CACNA1B: variants seen among roughly 807,000 people sequenced by gnomAD.
The protein encoded by CACNA1B is voltage-dependent N-type calcium channel subunit alpha-1B.
Under a neutral mutation model 247.2 loss-of-function variants are expected in CACNA1B, and 70 were observed. That is an observed-to-expected ratio of 0.28 (90% CI 0.23 to 0.35). CACNA1B has a LOEUF of 0.35. Among genes scored for constraint, CACNA1B ranks in the 10% least tolerant of loss-of-function variants. CACNA1B has a pLI of 1.00. For missense variants in CACNA1B, 2,367 were observed against 3,197.4 expected (o/e 0.74, Z 6.26); for synonymous variants, 1,231 against 1,294.4 (o/e 0.95, Z 1.05).
At chr9:137,953,949 A>G (rs1458170224) in intron 7 of CACNA1B, among the ~76,000 whole-genome samples, 1 of 152,108 alleles carries the variant, frequency 6.6e-6, no homozygotes, top group African/African-American at 2.4e-5. Flanking sequence ...AGGTGGGTTC[A>G]AGGGGAGGCA....
chr9:138,040,258 A>G (rs1344060243), intron 20 of CACNA1B, among the ~76,000 whole-genome samples: 8 of 152,072 alleles, frequency 5.3e-5, no homozygotes, highest in Admixed American at 3.3e-4. Context: ...TACTTTATGT[A>G]TCTCATCTAA....
intron 26 of CACNA1B, among the ~76,000 whole-genome samples, chr9:138,056,819 T>G (rs1959516907): frequency 6.6e-6 from 1 of 152,218 alleles, no homozygotes; most frequent in African/African-American, 2.4e-5. Context: ...TGGTTTTTAT[T>G]TGCCTTTCCC....
intron 7 of CACNA1B, among the ~76,000 whole-genome samples, chr9:137,953,398 C>A (rs1957901641): frequency 6.6e-6 from 1 of 152,212 alleles, no homozygotes; most frequent in Admixed American, 6.5e-5. Context: ...CCTGGGAGTT[C>A]TGCCACGCTG....
intron 10 of CACNA1B, among the ~76,000 whole-genome samples, chr9:137,963,215 C>G (rs188384318): frequency 3.2e-3 from 485 of 152,226 alleles, no homozygotes; most frequent in Non-Finnish European, 5.3e-3. Flanking sequence ...CTACTCTTTT[C>G]TGTTTTCCAT....
intron 5 of CACNA1B, among the ~76,000 whole-genome samples, chr9:137,915,103 G>A (rs868086770): frequency 1.4e-4 from 22 of 152,256 alleles, no homozygotes; most frequent in Admixed American, 2.6e-4. Context: ...CAAGGTGACC[G>A]TCGAGCAGCA....
chr9:137,986,565 G>T lies in CACNA1B; in HGVS notation c.1901+21G>T. On this transcript the variant is annotated intron_variant, in intron 14 of 46. Coordinates refer to ENST00000371372, the MANE Select transcript of CACNA1B (RefSeq NM_000718.4). The surrounding 1 kb of genome is among the most constrained non-coding windows in gnomAD (Gnocchi z 6.0). ...GGACAGTAAGTGGGCCCGGGAGGGAGAGCTCAAGGCTGGGGGCTTGCAGGG... is the reference window on the plus strand; with the variant it reads ...GGACAGTAAGTGGGCCCGGGAGGGATAGCTCAAGGCTGGGGGCTTGCAGGG... 1.9e-6 allele frequency: 3 copies of T among 1,613,406 alleles called. No homozygotes were observed. Among genetic ancestry groups the T allele is most frequent in the Non-Finnish European group, 2.5e-6 (3 of 1,179,618 alleles).
At chr9:137,932,522 G>C (rs1385257223) in intron 6 of CACNA1B, among the ~76,000 whole-genome samples, 1 of 152,168 alleles carries the variant, frequency 6.6e-6, no homozygotes, top group African/African-American at 2.4e-5. Flanking sequence ...TATGGTTGAG[G>C]TCTTTGCTAA....
chr9:137,900,965 G>A (rs558850231), intron 3 of CACNA1B, among the ~76,000 whole-genome samples: 185 of 143,320 alleles, frequency 1.3e-3, no homozygotes, highest in Non-Finnish European at 2.1e-3. Context: ...GTGTGTCTGT[G>A]CTGTGTGTCT....
intron 15 of CACNA1B, among the ~76,000 whole-genome samples, chr9:137,999,061 C>T (rs1446912104): frequency 6.6e-6 from 1 of 152,110 alleles, no homozygotes; most frequent in African/African-American, 2.4e-5. Context: ...AATCCCAGCG[C>T]TTTGGGAGGC....
At chr9:137,959,198 G>C (rs557348292) in intron 10 of CACNA1B, among the ~76,000 whole-genome samples, 5 of 152,050 alleles carry the variant, frequency 3.3e-5, no homozygotes, top group African/African-American at 1.2e-4. Context: ...TCAGCAACCC[G>C]AGTAGCTGGG....
rs1295534579 is a variant in CACNA1B, at chr9:137,919,102, G to A, written c.966+1671G>A. ...TTGGCCAGGGGCCGCACATGACTCA[G>A]ATTCTTCTGCCTGGGTCTCTGCCTC... is the stretch of plus-strand genomic sequence containing the variant. On this transcript the variant is annotated intron_variant, in intron 6 of 46. Transcript: ENST00000371372. This position sits in a 1 kb window ranked among gnomAD's most constrained non-coding sequence, Gnocchi z 4.6. 2.0e-5 allele frequency among the ~76,000 whole-genome samples: 3 copies of A among 152,238 alleles called. No homozygotes were observed. Among genetic ancestry groups the A allele is most frequent in the African/African-American group, 7.2e-5 (3 of 41,460 alleles).
At chr9:137,994,690 C>T (rs974158630) in intron 15 of CACNA1B, among the ~76,000 whole-genome samples, 2 of 152,164 alleles carry the variant, frequency 1.3e-5, no homozygotes, top group Non-Finnish European at 2.9e-5. Flanking sequence ...AACGACAAAA[C>T]ACTGCTGAAA....
In CACNA1B at chr9:138,007,402, C is replaced by T; in HGVS notation, c.2092+518C>T. Reference sequence around the variant, plus strand: ...AGCGAGCCCAGCCGCCGGTGGTGAGCTCTGCCCTAGCAAGGGACCATGATA... The same window carrying T: ...AGCGAGCCCAGCCGCCGGTGGTGAGTTCTGCCCTAGCAAGGGACCATGATA... On this transcript the variant is annotated intron_variant, in intron 16 of 46. Coordinates refer to ENST00000371372, the MANE Select transcript of CACNA1B (RefSeq NM_000718.4). The surrounding 1 kb of genome is among the most constrained non-coding windows in gnomAD (Gnocchi z 4.1). Among the ~76,000 whole-genome samples, 1 of 152,040 alleles carries T rather than the reference C, an allele frequency of 6.6e-6. No individual in the cohort carries two copies. Among genetic ancestry groups the T allele is most frequent in the Non-Finnish European group, 1.5e-5 (1 of 68,004 alleles).
intron 6 of CACNA1B, among the ~76,000 whole-genome samples, chr9:137,933,342 C>T (rs1234019905): frequency 1.3e-5 from 2 of 152,176 alleles, no homozygotes; most frequent in African/African-American, 2.4e-5. Flanking sequence ...TGAGTCACCG[C>T]GTCCGGCACA....
At chr9:137,933,490 G>T (rs1039164316) in intron 6 of CACNA1B, among the ~76,000 whole-genome samples, 4 of 152,184 alleles carry the variant, frequency 2.6e-5, no homozygotes, top group Admixed American at 6.5e-5. Context: ...ACTCCAGAAA[G>T]GTTGCTCAGA....
rs1483407683 is a variant in CACNA1B, at chr9:138,058,525, G to A, written c.4309-44G>A. ...TGGGTGCAGTAGATGCCGTCGGGTA[G>A]GTTTTCTGCTTCTGAGTCTCTGTGC... On this transcript the variant is annotated intron_variant, in intron 28 of 46. Transcript: ENST00000371372. The surrounding 1 kb of genome is among the most constrained non-coding windows in gnomAD (Gnocchi z 4.7). 8.9e-6 allele frequency: 14 copies of A among 1,566,322 alleles called. No individual in the cohort carries two copies. The highest frequency in any genetic ancestry group is 1.2e-5 in the Non-Finnish European group (14 of 1,154,620).
chr9:137,907,087 G>A (rs551396167), intron 3 of CACNA1B, among the ~76,000 whole-genome samples: 7 of 152,304 alleles, frequency 4.6e-5, no homozygotes, highest in African/African-American at 7.2e-5. Flanking sequence ...TCCACCTTTC[G>A]CTGTGTGTGT....
At chr9:138,081,484 G>GCCCTGCTAATTTTTGTTGCAGGAAGTCA (rs1554756108) in intron 36 of CACNA1B, among the ~76,000 whole-genome samples, 2 of 151,550 alleles carry the variant, frequency 1.3e-5, no homozygotes, top group African/African-American at 4.9e-5. Context: ...GAAGTGACAT[G>GCCCTGCTAATTTTTGTTGCAGGAAGTCA]GAAAAAATGG....
chr9:138,076,182 G>C (rs574455169), intron 35 of CACNA1B, among the ~76,000 whole-genome samples: 4 of 152,210 alleles, frequency 2.6e-5, no homozygotes, highest in Non-Finnish European at 5.9e-5. Context: ...GGCCTCTGCT[G>C]CCTCGTCTGT....
Sources: gnomAD v4.1 joint callset for allele counts (sites outside exome capture counted in the v4.1 genomes callset) on GRCh38, gnomAD v4.1.1 for gene constraint, Gnocchi (gnomAD v3.1) non-coding constraint, MANE v1.5 for transcripts, NCBI Gene and HGNC (gene_info 2026-07-23, HGNC 2026-07-21) for gene names.